The following PVRIG variants were observed in gnomAD, a reference collection of about 807,000 sequenced individuals.
The protein encoded by PVRIG is transmembrane protein PVRIG.
Under a neutral mutation model 21.9 loss-of-function variants are expected in PVRIG, and 16 were observed. The observed-to-expected ratio is 0.73, with a 90% CI of 0.50 to 1.11. The LOEUF (loss-of-function observed/expected upper bound fraction) is 1.11. PVRIG is among the 50% of genes most tolerant of loss of function. The pLI is 0.00. For missense variants in PVRIG, 435 were observed against 445.7 expected (o/e 0.98, Z 0.22); for synonymous variants, 190 against 181.0 (o/e 1.05, Z -0.40).
chr7:100,220,772 G>T (rs1269581328), exon 5 of PVRIG: 1 of 1,606,044 alleles, frequency 6.2e-7, no homozygotes, highest in South Asian at 1.1e-5. Context: ...CTGCCCCTAG[G>T]CTCCAGCCGT....
rs1477946983 is a variant in PVRIG at position 100,219,402 on chromosome 7, T to C, written c.-199+2T>C. ...GCCTGGGGCAGAGCCCAGTATGGGG[T>C]GCGTTCAGGGTAGATCAGGAGGTAT... On this transcript the variant is annotated splice_donor_variant, in intron 1 of 5. Coordinates refer to ENST00000317271, the Ensembl canonical transcript of PVRIG. LOFTEE classifies it low-confidence loss of function (5UTR_SPLICE). 6.0e-6 allele frequency: 1 copy of C among 167,260 alleles called. No individual in the cohort carries two copies. Among genetic ancestry groups the C allele is most frequent in the East Asian group, 1.9e-4 (1 of 5,404 alleles). 10.4% of individuals were successfully genotyped at this position (167,260 alleles called of 1,614,324 possible).
chr7:100,220,271 C>T (rs1467660146), exon 3 of PVRIG: 4 of 1,565,090 alleles, frequency 2.6e-6, no homozygotes, highest in Non-Finnish European at 3.5e-6. Flanking sequence ...CTGTGTTGCA[C>T]CCAGAACGTG....
At position 100,220,562 on chromosome 7, in the gene PVRIG, C is replaced by T. The variant is rs141513122; in HGVS notation, c.485C>T (p.Pro162Leu). 4.2e-4 allele frequency: 681 copies of T among 1,611,812 alleles called. 5 individuals are homozygous for T. The African/African-American group carries it at 8.3e-3, about 20-fold the overall frequency. ...CCGTGCCCAGGGCTCTCTGCCCCGC[C>T]GACTCCTGCCCCCATTCTGCGGGCA... The change falls in exon 4 of 6, where the codon CCG (proline) becomes CTG (leucine). Residue 162 changes from proline to leucine, a missense_variant. Coordinates refer to ENST00000317271, the Ensembl canonical transcript of PVRIG.
chr7:100,219,278 C>A (rs1033331045), exon 1 of PVRIG: 5 of 157,010 alleles, frequency 3.2e-5, no homozygotes, highest in Admixed American at 6.1e-5. Context: ...CTGACACAAT[C>A]TTGGTGCGTT....
At chr7:100,221,390 T>C (rs1803246104) in exon 6 of PVRIG, 2 of 631,942 alleles carry the variant, frequency 3.2e-6, no homozygotes, top group South Asian at 2.3e-5. Context: ...TCTCTGTGTG[T>C]GCGTGTGTGG....
At chr7:100,220,983 C>A (rs756146159) in exon 6 of PVRIG, 6 of 1,598,834 alleles carry the variant, frequency 3.8e-6, no homozygotes, top group Admixed American at 3.4e-5. Flanking sequence ...ACTATCAACA[C>A]CAGCTGCCGC....
chr7:100,219,978 A>C, exon 2 of PVRIG: 1 of 1,588,074 alleles, frequency 6.3e-7, no homozygotes, highest in East Asian at 2.3e-5. Context: ...GCCATGGGGC[A>C]CCGGACCCTG....
exon 3 of PVRIG, chr7:100,220,232 C>T: frequency 1.3e-6 from 2 of 1,585,734 alleles, no homozygotes; most frequent in African/African-American, 2.7e-5. Flanking sequence ...GCTGGGGGGG[C>T]CCCAACGGTG....
At chr7:100,221,465 A>T (rs1412959583) in exon 6 of PVRIG, 11 of 464,842 alleles carry the variant, frequency 2.4e-5, no homozygotes, top group Non-Finnish European at 3.8e-5. Context: ...CAACTAAGTC[A>T]GCAACACAGT....
At chr7:100,220,309 A>C (rs1351953607) in exon 3 of PVRIG, 1 of 1,556,700 alleles carries the variant, frequency 6.4e-7, no homozygotes, top group Non-Finnish European at 8.7e-7. Flanking sequence ...CCTGCTCGCC[A>C]GGCCCGCTGG....
At chr7:100,219,518 T>C (rs1224814919) in intron 1 of PVRIG, 1 of 315,064 alleles carries the variant, frequency 3.2e-6, no homozygotes, top group Non-Finnish European at 6.0e-6. Context: ...TGGTAGTGGG[T>C]CATGCATGCT....
chr7:100,220,986 G>C (rs777816731), exon 6 of PVRIG: 2 of 1,599,828 alleles, frequency 1.3e-6, no homozygotes, highest in African/African-American at 2.7e-5. Flanking sequence ...ATCAACACCA[G>C]CTGCCGCCCA....
exon 2 of PVRIG, chr7:100,219,903 T>C: frequency 8.4e-6 from 13 of 1,548,114 alleles, no homozygotes; most frequent in Non-Finnish European, 1.1e-5. Flanking sequence ...ACATGAAGAC[T>C]TCCTGCGATG....
At chr7:100,219,962 G>C in exon 2 of PVRIG, 1 of 1,571,098 alleles carries the variant, frequency 6.4e-7, no homozygotes, top group African/African-American at 1.3e-5. Flanking sequence ...ACCTGGACTG[G>C]AGGGGGCCAT....
At chr7:100,221,205 A>T in exon 6 of PVRIG, 9 of 1,606,642 alleles carry the variant, frequency 5.6e-6, no homozygotes, top group Non-Finnish European at 6.8e-6. Context: ...CTTTTCCCTG[A>T]CCCTCGGGGG....
rs557674125 is a variant in PVRIG, at chr7:100,220,078, G to C, written c.119-36G>C. The C allele has an allele frequency of 5.6e-6, 9 of 1,603,554 alleles. No individual in the cohort carries two copies. The Admixed American group carries it at 1.5e-4, about 27-fold the overall frequency. Reference sequence around the variant, plus strand: ...CAGGGGCTGCAGGGAGGGTGATGTAGGACAACAGCCCACCGACCTTGCTGC... The same window carrying C: ...CAGGGGCTGCAGGGAGGGTGATGTACGACAACAGCCCACCGACCTTGCTGC... On this transcript the variant is annotated intron_variant, in intron 2 of 5. Coordinates refer to ENST00000317271, the Ensembl canonical transcript of PVRIG.
chr7:100,221,233 A>ACC lies in PVRIG; in HGVS notation c.965_966dup (p.Leu323ProfsTer2). 6.3e-7 allele frequency: 1 copy of ACC among 1,583,624 alleles called. No individual in the cohort carries two copies. Among genetic ancestry groups the ACC allele is most frequent in the Non-Finnish European group, 8.6e-7 (1 of 1,167,294 alleles). On this transcript the variant is annotated frameshift_variant, in exon 6 of 6. Transcript: ENST00000317271. LOFTEE classifies it high-confidence loss of function. ...CTCGGGGGCCCAGGGCCATGGAAGG[A>ACC]CCCTTAGGAGTTCGATGAGAGAGAC...
chr7:100,219,443 G>GTATCATTAAAAA, intron 1 of PVRIG: 2 of 213,898 alleles, frequency 9.4e-6, no homozygotes, highest in East Asian at 1.6e-4. Context: ...GGTAGTGGGC[G>GTATCATTAAAAA]AGCCAGGCTG....
At chr7:100,219,894 C>T (rs1216518429) in exon 2 of PVRIG, 7 of 1,542,986 alleles carry the variant, frequency 4.5e-6, no homozygotes, top group Non-Finnish European at 6.1e-6. Flanking sequence ...CTGCTGACAA[C>T]ATGAAGACTT....
Sources: gnomAD v4.1 joint callset for allele counts on GRCh38, gnomAD v4.1.1 for gene constraint, MANE v1.5 for transcripts, NCBI Gene and HGNC (gene_info 2026-07-23, HGNC 2026-07-21) for gene names.